ERCC4: variants seen among roughly 807,000 people sequenced by gnomAD.
ERCC4 encodes the protein DNA repair endonuclease XPF.
A neutral mutation model predicts 76.9 loss-of-function variants in ERCC4; 65 were observed. The observed-to-expected ratio is 0.84, with a 90% CI of 0.69 to 1.04. ERCC4 has a LOEUF of 1.04. Ranked by LOEUF, ERCC4 falls within the 50% of genes least tolerant of loss-of-function variation. The pLI, the probability that ERCC4 is intolerant of heterozygous loss-of-function variation, is 0.00. For missense variants in ERCC4, 1,214 were observed against 1,128.2 expected, an observed-to-expected ratio of 1.08 and a Z score of -1.09; for synonymous variants, 463 against 410.1, an observed-to-expected ratio of 1.13 and a Z score of -1.56.
chr16:13,947,683 C>T lies in ERCC4; in HGVS notation c.2087C>T (p.Pro696Leu), dbSNP rs752894496. Reference protein sequence around the residue: ...VDMREFRSELPSLIHRRGIDI... With the variant: ...VDMREFRSELLSLIHRRGIDI... ...ATGCGTGAATTTCGAAGTGAGCTTC[C>T]ATCTCTGATCCATCGTCGGGGCATT... is the stretch of plus-strand genomic sequence containing the variant. Residue 696 changes from proline (P) to leucine (L), a missense_variant, in exon 11 of 11, where the codon CCA (proline) becomes CTA (leucine). Pro to Leu is a moderately conservative substitution (Grantham distance 98). Coordinates refer to ENST00000311895, the MANE Select transcript of ERCC4 (RefSeq NM_005236.3). 3.1e-5 allele frequency: 50 copies of T among 1,614,080 alleles called. No individual in the cohort carries two copies. The highest frequency in any genetic ancestry group is 3.8e-5 in the Non-Finnish European group (45 of 1,180,042).
In ERCC4 at chr16:13,935,469, G is replaced by A. The variant is rs769679311; in HGVS notation, c.1537G>A (p.Gly513Arg). Residue 513 changes from glycine (G) to arginine (R), a missense_variant, in exon 8 of 11, where the codon GGA becomes AGA. Coordinates refer to ENST00000311895, the MANE Select transcript of ERCC4 (RefSeq NM_005236.3). ...ELEEEGDVEEGYRREISSSPE... is the reference protein window; with the variant it reads ...ELEEEGDVEERYRREISSSPE... ...GGAAGAGGAAGGAGATGTCGAGGAA[G>A]GATATCGTCGAGAAATAAGCAGTAG... The A allele has an allele frequency of 1.2e-6, 2 of 1,614,188 alleles. No individual in the cohort carries two copies. Among genetic ancestry groups the A allele is most frequent in the Non-Finnish European group, 8.5e-7 (1 of 1,180,024 alleles).
chr16:13,922,248 T>G (rs1322362142), intron 2 of ERCC4, 37 bp downstream of exon 2: 3 of 1,417,072 alleles, frequency 2.1e-6, no homozygotes, highest in Admixed American at 1.8e-5. Context: ...TATGTAAATT[T>G]GTACTTTTTT....
At chr16:13,945,531 C>G (rs928948970) in intron 10 of ERCC4, among the ~76,000 whole-genome samples, 1 of 152,142 alleles carries the variant, frequency 6.6e-6, no homozygotes, top group Admixed American at 6.5e-5. Flanking sequence ...TCGGTGAGGC[C>G]AAGTACAGTT....
intron 9 of ERCC4, among the ~76,000 whole-genome samples, chr16:13,944,277 T>C (rs2032473301): frequency 6.6e-6 from 1 of 152,330 alleles, no homozygotes; most frequent in African/African-American, 2.4e-5. Flanking sequence ...CTATCATATA[T>C]GTTTTTTAGT....
rs1555467694 is a variant in ERCC4, at chr16:13,926,607, A to G, written c.435A>G (p.Glu145=). The stretch of plus-strand genomic sequence containing the variant: ...ACAGAATAATCGAGTCTTGTCAAGA[A>G]GCATTCATCTTGCGCCTCTTTCGCC... ...RAHRIIESCQ[E]AFILRLFRQK... Residue 145 remains glutamate (E), a synonymous_variant, in exon 3 of 11, where the codon GAA becomes GAG. Transcript: ENST00000311895. 3 of 1,614,190 alleles carry G rather than the reference A, an allele frequency of 1.9e-6. No homozygotes were observed. Among genetic ancestry groups the G allele is most frequent in the East Asian group, 4.5e-5 (2 of 44,872 alleles).
intron 4 of ERCC4, among the ~76,000 whole-genome samples, chr16:13,929,980 A>G (rs1430921197): frequency 6.6e-6 from 1 of 152,150 alleles, no homozygotes; most frequent in African/African-American, 2.4e-5. Flanking sequence ...TAATAATAAT[A>G]ATCAAACTTA....
chr16:13,927,130 A>T (rs1432292926), intron 3 of ERCC4, among the ~76,000 whole-genome samples: 2 of 152,230 alleles, frequency 1.3e-5, no homozygotes, highest in African/African-American at 4.8e-5. Flanking sequence ...TTTGAAAATT[A>T]CTCAACAGGG....
At position 13,948,530 on chromosome 16, in the gene ERCC4, G is replaced by C; in HGVS notation, c.*183G>C. On this transcript the variant is annotated 3_prime_UTR_variant, in exon 11 of 11. Transcript: ENST00000311895. ...CTGCAGTTAGGCATCACTTGAACTT[G>C]CCTGTGCCTGCTCTTTTTCCTCCCT... The C allele has an allele frequency of 1.5e-6, 1 of 671,602 alleles. No individual in the cohort carries two copies. The highest frequency in any genetic ancestry group is 2.5e-6 in the Non-Finnish European group (1 of 394,306). The allele number at this position is 671,602 out of a possible 1,614,324, so 41.6% of individuals were successfully genotyped here.
At position 13,948,141 on chromosome 16, in the gene ERCC4, C is replaced by G. The variant is rs374186605; in HGVS notation, c.2545C>G (p.Gln849Glu). The change falls in exon 11 of 11, where the codon CAA (glutamine) becomes GAA (glutamate). Residue 849 changes from glutamine to glutamate, a missense_variant. By Grantham distance (29) the Gln-to-Glu change is conservative. Coordinates refer to ENST00000311895, the MANE Select transcript of ERCC4 (RefSeq NM_005236.3). ...PESEKYNPGP[Q>E]DFLLKMPGVN... ...GTCAGAGAAGTATAATCCTGGTCCC[C>G]AAGACTTCTTGTTAAAAATGCCAGG... 84 of 1,614,046 alleles carry G rather than the reference C, an allele frequency of 5.2e-5. No homozygotes were observed. In the East Asian group the frequency reaches 6.5e-4, roughly 12 times the overall value.
Position 13,950,602 on chromosome 16 carries a change from G to A in ERCC4, c.*2255G>A, listed in dbSNP as rs886051675. The A allele has an allele frequency of 3.0e-4, 58 of 192,988 alleles. 2 individuals are homozygous for A. The highest frequency in any genetic ancestry group is 5.4e-5 in the Non-Finnish European group (5 of 92,700). The allele number at this position is 192,988 out of a possible 1,614,324, so 12.0% of individuals were successfully genotyped here. ...TCAATTTTGTATTTATTGTTTTATT[G>A]AATATAGTTCAGAGTATATTAAAAT... On this transcript the variant is annotated 3_prime_UTR_variant, in exon 11 of 11. Transcript: ENST00000311895.
rs1452374602 is a variant in ERCC4 at position 13,922,225 on chromosome 16, ATCT to A, written c.388+16_388+18del. On this transcript the variant is annotated intron_variant, in intron 2 of 10. Transcript: ENST00000311895. ...ATTTAATTACTGGTAAGAATTTGAA[ATCT>A]TATTATTAGTATGTAAATTTGTACT... 4 of 1,530,744 alleles carry A rather than the reference ATCT, an allele frequency of 2.6e-6. No homozygotes were observed. The highest frequency in any genetic ancestry group is 3.6e-6 in the Non-Finnish European group (4 of 1,108,036). 94.8% of individuals were successfully genotyped at this position (1,530,744 alleles called of 1,614,324 possible). A position where few individuals can be genotyped will look rare whatever the true frequency, so the allele number is the denominator to read the frequency against.
At chr16:13,937,679 A>G (rs969679780) in intron 8 of ERCC4, 87 bp from the exon 9 acceptor site, 1 of 812,316 alleles carries the variant, frequency 1.2e-6, no homozygotes, top group Admixed American at 1.7e-5. Flanking sequence ...TGAGCGCTCT[A>G]GGTTGCTGAT....
intron 6 of ERCC4, chr16:13,932,645 C>T (rs748565938): frequency 1.0e-4 from 35 of 333,610 alleles, no homozygotes; most frequent in Non-Finnish European, 1.7e-4. Context: ...GGCATGGTGG[C>T]ACACACCTAT....
chr16:13,920,222 G>C lies in ERCC4; in HGVS notation c.57G>C (p.Glu19Asp). Residue 19 changes from glutamate (E) to aspartate (D), a missense_variant, in exon 1 of 11, where the codon GAG (glutamate) becomes GAC (aspartate). Glu to Asp is a conservative substitution (Grantham distance 45). Coordinates refer to ENST00000311895, the MANE Select transcript of ERCC4 (RefSeq NM_005236.3). ...RIAMAPLLEY[E>D]RQLVLELLDT... is the part of the protein sequence containing the mutation. ...CCATGGCGCCGCTGCTGGAGTACGA[G>C]CGACAGCTGGTGCTGGAACTGCTCG... The C allele has an allele frequency of 2.5e-6, 4 of 1,607,846 alleles. No homozygotes were observed. The highest frequency in any genetic ancestry group is 3.4e-6 in the Non-Finnish European group (4 of 1,179,946).
At chr16:13,945,680 T>C (rs1203511341) in intron 10 of ERCC4, among the ~76,000 whole-genome samples, 1 of 152,194 alleles carries the variant, frequency 6.6e-6, no homozygotes. Context: ...GGGCTTCTGA[T>C]GGAAGTGGTT....
Position 13,948,187 on chromosome 16 carries a change from G to A in ERCC4, c.2591G>A (p.Arg864His), listed in dbSNP as rs1211543560. The A allele has an allele frequency of 1.5e-5, 24 of 1,614,004 alleles. No individual in the cohort carries two copies. The highest frequency in any genetic ancestry group is 4.5e-5 in the East Asian group (2 of 44,890). ...KMPGVNAKNC[R>H]SLMHHVKNIA... ...CCAGGGGTGAATGCCAAAAACTGCC[G>A]CTCCTTGATGCACCACGTTAAGAAC... Residue 864 changes from arginine (R) to histidine (H), a missense_variant, in exon 11 of 11, where the codon CGC becomes CAC. Arg to His is a conservative substitution (Grantham distance 29, BLOSUM62 0). Transcript: ENST00000311895.
At position 13,930,907 on chromosome 16, in the gene ERCC4, C is replaced by A. The variant is rs754214169; in HGVS notation, c.973+17C>A. On this transcript the variant is annotated intron_variant, in intron 5 of 10. Transcript: ENST00000311895. Reference sequence around the variant, plus strand: ...AGAATTCAGGTGGGAGATTAAAATACTAATAATATTCTAAGAGCTGATTTG... The same window carrying A: ...AGAATTCAGGTGGGAGATTAAAATAATAATAATATTCTAAGAGCTGATTTG... The A allele has an allele frequency of 6.5e-7, 1 of 1,550,240 alleles. No individual in the cohort carries two copies. The highest frequency in any genetic ancestry group is 8.9e-7 in the Non-Finnish European group (1 of 1,122,354).
Position 13,950,151 on chromosome 16 carries a change from G to C in ERCC4, c.*1804G>C, listed in dbSNP as rs1450418494. 1 of 184,486 alleles carries C rather than the reference G, an allele frequency of 5.4e-6. No homozygotes were observed. Among genetic ancestry groups the C allele is most frequent in the Non-Finnish European group, 1.1e-5 (1 of 87,154 alleles). The allele number at this position is 184,486 out of a possible 1,614,324, so 11.4% of individuals were successfully genotyped here. The stretch of plus-strand genomic sequence containing the variant: ...AATTTTTGTATTTTTAGTAGAGACG[G>C]GGTTTCACCATGTTGGCCAGGCTGG... On this transcript the variant is annotated 3_prime_UTR_variant, in exon 11 of 11. Transcript: ENST00000311895.
In ERCC4 at chr16:13,947,821, A is replaced by G. The variant is rs780880381; in HGVS notation, c.2225A>G (p.Tyr742Cys). Reference sequence around the variant, plus strand: ...GGCTCTTTAAATAACGGCCGCCTCTACAGCCAGTGCATCTCCATGTCCCGC... The same window carrying G: ...GGCTCTTTAAATAACGGCCGCCTCTGCAGCCAGTGCATCTCCATGTCCCGC... ...LIGSLNNGRL[Y>C]SQCISMSRYY... The change falls in exon 11 of 11, where the codon TAC becomes TGC. Residue 742 changes from tyrosine to cysteine, a missense_variant. Tyr to Cys is a radical substitution (Grantham distance 194). Transcript: ENST00000311895. 3 of 1,614,112 alleles carry G rather than the reference A, an allele frequency of 1.9e-6. No individual in the cohort carries two copies. Among genetic ancestry groups the G allele is most frequent in the Non-Finnish European group, 2.5e-6 (3 of 1,180,056 alleles).
Sources: allele counts gnomAD v4.1 joint callset (sites outside exome capture counted in the v4.1 genomes callset), GRCh38; gene constraint gnomAD v4.1.1; transcripts MANE v1.5; gene names NCBI Gene and HGNC (gene_info 2026-07-23, HGNC 2026-07-21).